Variants in TSPAN9 observed in about 807,000 individuals in gnomAD.
TSPAN9 encodes tetraspanin 9.
TSPAN9 carries 16 observed loss-of-function variants against 31.0 expected under a neutral mutation model. The observed-to-expected ratio is 0.52, with a 90% CI of 0.35 to 0.78. The LOEUF is 0.78. Ranked by LOEUF, TSPAN9 falls within the 30% of genes least tolerant of loss-of-function variation. The probability of loss-of-function intolerance (pLI) is 0.01; values close to 1 mark genes in which losing one functional copy is unlikely to be tolerated. For missense variants in TSPAN9, 272 were observed against 312.5 expected (o/e 0.87, Z 0.98); for synonymous variants, 145 against 121.6 (o/e 1.19, Z -1.27).
intron 2 of TSPAN9, among the ~76,000 whole-genome samples, chr12:3,175,612 G>A (rs1313807779): frequency 3.8e-5 from 1 of 26,576 alleles, no homozygotes; most frequent in African/African-American, 6.2e-5. Context: ...CAGCTTGTCT[G>A]GAGGCCTCTA....
intron 3 of TSPAN9, among the ~76,000 whole-genome samples, chr12:3,238,125 T>TTC (rs1216042430): frequency 1.3e-5 from 2 of 152,154 alleles, no homozygotes; most frequent in Admixed American, 1.3e-4. Flanking sequence ...TACAAAGCCC[T>TTC]TCTCTCTCTC....
At chr12:3,267,408 G>A (rs754811217) in intron 3 of TSPAN9, among the ~76,000 whole-genome samples, 33 of 152,226 alleles carry the variant, frequency 2.2e-4, no homozygotes, top group Non-Finnish European at 3.7e-4. Context: ...TCTCAGAAAG[G>A]TTAAGTGGCT....
Position 3,284,801 on chromosome 12 carries a change from T to G in TSPAN9, c.*1685T>G, listed in dbSNP as rs1167474986. 6.6e-6 allele frequency: 1 copy of G among 152,210 alleles called. No homozygotes were observed. The highest frequency in any genetic ancestry group is 2.4e-5 in the African/African-American group (1 of 41,436). The allele number at this position is 152,210 out of a possible 1,614,324, so 9.4% of individuals were successfully genotyped here. A position where few individuals can be genotyped will look rare whatever the true frequency, so the allele number is the denominator to read the frequency against. On this transcript the variant is annotated 3_prime_UTR_variant, in exon 9 of 9. Coordinates refer to ENST00000011898, the MANE Select transcript of TSPAN9 (RefSeq NM_006675.5). ...GGGCGGCTGCCTTTCCTATACAGTT[T>G]GTCTTGTCACCCTGGTTTCCCACTG...
At chr12:3,161,879 C>T (rs987242139) in intron 2 of TSPAN9, among the ~76,000 whole-genome samples, 1 of 152,046 alleles carries the variant, frequency 6.6e-6, no homozygotes, top group African/African-American at 2.4e-5. Flanking sequence ...GCAGTGGGTG[C>T]ACTCCAGCTC....
chr12:3,152,269 C>T (rs1463516412), intron 2 of TSPAN9, among the ~76,000 whole-genome samples: 1 of 152,230 alleles, frequency 6.6e-6, no homozygotes, highest in African/African-American at 2.4e-5. Flanking sequence ...CGGGGTCAGC[C>T]CTCCTGATTG....
At chr12:3,161,535 C>T (rs1190229707) in intron 2 of TSPAN9, among the ~76,000 whole-genome samples, 3 of 152,144 alleles carry the variant, frequency 2.0e-5, no homozygotes, top group Non-Finnish European at 4.4e-5. Context: ...TAAAACCCAC[C>T]ACCTGGGGAG....
At chr12:3,220,942 CT>C (rs1289291719) in intron 3 of TSPAN9, among the ~76,000 whole-genome samples, 1 of 152,194 alleles carries the variant, frequency 6.6e-6, no homozygotes, top group Non-Finnish European at 1.5e-5. Context: ...ATCCGTTGCT[CT>C]TTTCCAAAGA....
intron 3 of TSPAN9, among the ~76,000 whole-genome samples, chr12:3,258,551 G>A (rs1242047315): frequency 6.6e-6 from 1 of 152,144 alleles, no homozygotes; most frequent in Admixed American, 6.5e-5. Context: ...GTTTTGAGCT[G>A]CTGCTTGGCA....
chr12:3,164,463 C>T (rs1468478988), intron 2 of TSPAN9, among the ~76,000 whole-genome samples: 1 of 152,234 alleles, frequency 6.6e-6, no homozygotes, highest in African/African-American at 2.4e-5. Flanking sequence ...CTGGATTTTG[C>T]TTCCAGCTCA....
chr12:3,256,674 CT>C (rs538402241), intron 3 of TSPAN9, among the ~76,000 whole-genome samples: 94 of 152,306 alleles, frequency 6.2e-4, no homozygotes, highest in African/African-American at 1.9e-3. Flanking sequence ...AGCGGCGCCC[CT>C]GATCTTGACT....
At chr12:3,084,975 G>A (rs894431091) in intron 2 of TSPAN9, among the ~76,000 whole-genome samples, 1 of 152,208 alleles carries the variant, frequency 6.6e-6, no homozygotes, top group African/African-American at 2.4e-5. Flanking sequence ...GGGCCCGGAT[G>A]GGTGTCTGCT....
rs1565622574 is a variant in TSPAN9 at position 3,226,774 on chromosome 12, ATATATATATATATATATATAT to A, written c.63+25520_63+25540del. 6.8e-3 allele frequency among the ~76,000 whole-genome samples: 12 copies of A among 1,754 alleles called. 1 individual carries two copies. Among genetic ancestry groups the A allele is most frequent in the African/African-American group, 0.019 (10 of 530 alleles). 1.2% of individuals were successfully genotyped at this position (1,754 alleles called of 152,430 possible). A position where few individuals can be genotyped will look rare whatever the true frequency, so the allele number is the denominator to read the frequency against. ...TATATATATATATATATATATATAT[ATATATATATATATATATATAT>A]TTTTTTTTTTTTTTCCCTCTTCGAA... On this transcript the variant is annotated intron_variant, in intron 3 of 8. Transcript: ENST00000011898.
intron 3 of TSPAN9, among the ~76,000 whole-genome samples, chr12:3,213,151 T>A (rs1565616177): frequency 6.6e-6 from 1 of 152,126 alleles, no homozygotes; most frequent in Non-Finnish European, 1.5e-5. Context: ...GGGAAGGGCA[T>A]TAAAGAACGC....
chr12:3,281,070 G>T (rs1862882613), intron 6 of TSPAN9, 128 bp from the exon 7 acceptor site: 9 of 1,447,356 alleles, frequency 6.2e-6, no homozygotes, highest in African/African-American at 2.9e-5. Flanking sequence ...CAAGCCCTTT[G>T]TCTCCTCCCT....
intron 2 of TSPAN9, among the ~76,000 whole-genome samples, chr12:3,088,718 G>A: frequency 6.6e-6 from 1 of 152,178 alleles, no homozygotes; most frequent in East Asian, 1.9e-4. Context: ...ATCAGGCTGG[G>A]CCTTGAGGGA....
In TSPAN9 at chr12:3,099,352, C is replaced by T. The variant is rs945943606; in HGVS notation, c.-18+15633C>T. ...ATTTTTCATTTCTGACATTGTATTT[C>T]CCATTTCTAGACATTCCATTTGAGT... On this transcript the variant is annotated intron_variant, in intron 2 of 8. Coordinates refer to ENST00000011898, the MANE Select transcript of TSPAN9 (RefSeq NM_006675.5). Among the ~76,000 whole-genome samples the T allele has an allele frequency of 2.0e-5, 3 of 152,066 alleles. No homozygotes were observed. The South Asian group carries it at 6.2e-4, about 32-fold the overall frequency.
intron 3 of TSPAN9, among the ~76,000 whole-genome samples, chr12:3,261,105 A>T (rs1028430833): frequency 1.3e-5 from 2 of 152,100 alleles, no homozygotes; most frequent in Non-Finnish European, 2.9e-5. Context: ...TGAGACTGGG[A>T]ACCAGGTCGG....
intron 2 of TSPAN9, among the ~76,000 whole-genome samples, chr12:3,146,195 C>T (rs963282303): frequency 2.0e-5 from 3 of 152,302 alleles, no homozygotes; most frequent in Middle Eastern, 3.4e-3. Context: ...CCGTGGCCAT[C>T]AGGGGAGTGG....
rs2098335696 is a variant in TSPAN9 at position 3,143,260 on chromosome 12, A to G, written c.-17-57917A>G. On this transcript the variant is annotated intron_variant, in intron 2 of 8. Coordinates refer to ENST00000011898, the MANE Select transcript of TSPAN9 (RefSeq NM_006675.5). The surrounding 1 kb of genome is among the most constrained non-coding windows in gnomAD (Gnocchi z 4.2). ...TTTATAATTAATAATATTTATAGTT[A>G]TATTAATCATAATTAATAATATTTA... Among the ~76,000 whole-genome samples, 1 of 148,324 alleles carries G rather than the reference A, an allele frequency of 6.7e-6. No homozygotes were observed. Among genetic ancestry groups the G allele is most frequent in the Non-Finnish European group, 1.5e-5 (1 of 67,278 alleles).
Sources: gnomAD v4.1 joint callset for allele counts (sites outside exome capture counted in the v4.1 genomes callset) on GRCh38, gnomAD v4.1.1 for gene constraint, Gnocchi (gnomAD v3.1) non-coding constraint, MANE v1.5 for transcripts, NCBI Gene and HGNC (gene_info 2026-07-23, HGNC 2026-07-21) for gene names.